CALR3: variants seen among roughly 807,000 people sequenced by gnomAD.
CALR3 encodes calreticulin 3, also known as calreticulin-3.
Under a neutral mutation model 48.7 loss-of-function variants are expected in CALR3, and 39 were observed. That is an observed-to-expected ratio of 0.80 (90% CI 0.62 to 1.05). CALR3 has a LOEUF of 1.05. CALR3 is among the 50% of genes least tolerant of loss of function. The pLI, the probability that CALR3 is intolerant of heterozygous loss-of-function variation, is 0.00. For synonymous variants in CALR3, 185 were observed against 172.7 expected (o/e 1.07, Z -0.56); for missense variants, 449 against 474.7 (o/e 0.95, Z 0.50).
intron 2 of CALR3, among the ~76,000 whole-genome samples, chr19:16,494,673 T>C (rs1359755015): frequency 6.6e-6 from 1 of 152,214 alleles, no homozygotes; most frequent in African/African-American, 2.4e-5. Context: ...TTTTTCTTTT[T>C]AATACGAAAA....
In CALR3 at chr19:16,483,788, T is replaced by G. The variant is rs1009771719; in HGVS notation, c.678+142A>C. The G allele has an allele frequency of 2.8e-4, 207 of 728,734 alleles. 2 individuals are homozygous for G. The highest frequency in any genetic ancestry group is 1.6e-5 in the South Asian group (1 of 64,176). The allele number at this position is 728,734 out of a possible 1,614,324, so 45.1% of individuals were successfully genotyped here. On this transcript the variant is annotated intron_variant, in intron 5 of 8. Transcript: ENST00000269881. ...TTCAGATGTGTAGAGATGTGGCTGGTCTGCAGTGTGTGCTCTGGGGAGGGC... is the reference window on the plus strand; with the variant it reads ...TTCAGATGTGTAGAGATGTGGCTGGGCTGCAGTGTGTGCTCTGGGGAGGGC...
chr19:16,495,558 C>CAAAAA (rs57877938), intron 2 of CALR3, among the ~76,000 whole-genome samples, 193 bp downstream of exon 2: 2 of 95,364 alleles, frequency 2.1e-5, no homozygotes, highest in African/African-American at 3.9e-5. Context: ...GGCTCCGTCT[C>CAAAAA]AAAAAAAAAA....
chr19:16,492,808 G>C lies in CALR3; in HGVS notation c.194-2238C>G, dbSNP rs1568487944. ...ACCCAGGAGGCAGAGCTTGCAGTGAGCCGAGATCGCGCCACTGCACTCCAT... is the reference window on the plus strand; with the variant it reads ...ACCCAGGAGGCAGAGCTTGCAGTGACCCGAGATCGCGCCACTGCACTCCAT... On this transcript the variant is annotated intron_variant, in intron 2 of 8. Coordinates refer to ENST00000269881, the MANE Select transcript of CALR3 (RefSeq NM_145046.5). 2.0e-5 allele frequency among the ~76,000 whole-genome samples: 3 copies of C among 149,646 alleles called. No individual in the cohort carries two copies. The South Asian group carries it at 6.3e-4, about 32-fold the overall frequency.
intron 2 of CALR3, among the ~76,000 whole-genome samples, chr19:16,491,123 G>A (rs6512115): frequency 0.83 from 123,111 of 148,714 alleles, 50,597 homozygotes; most frequent in South Asian, 0.89. Context: ...TTCTTAATTA[G>A]TTAATTAATT....
intron 2 of CALR3, among the ~76,000 whole-genome samples, chr19:16,491,247 C>T (rs111760436): frequency 3.3e-5 from 5 of 151,770 alleles, no homozygotes; most frequent in South Asian, 2.1e-4. Flanking sequence ...CTCAGCCTCC[C>T]GAGTAGCTGG....
At chr19:16,482,223 T>TA (rs1020975540) in intron 7 of CALR3, among the ~76,000 whole-genome samples, 70 of 145,812 alleles carry the variant, frequency 4.8e-4, no homozygotes, top group South Asian at 1.5e-3. Flanking sequence ...TCCCATTTCT[T>TA]AAAAAAAAAA....
intron 3 of CALR3, 89 bp downstream of exon 3, chr19:16,490,278 C>T: frequency 8.5e-7 from 1 of 1,178,908 alleles, no homozygotes; most frequent in Non-Finnish European, 1.3e-6. Context: ...ACCTTCACTA[C>T]ATTAGCAAAG....
At chr19:16,485,331 C>A in intron 3 of CALR3, 74 bp from the exon 4 acceptor site, 1 of 762,966 alleles carries the variant, frequency 1.3e-6, no homozygotes, top group Non-Finnish European at 2.1e-6. Flanking sequence ...CACAACCATT[C>A]TTTTTTTTTT....
intron 2 of CALR3, among the ~76,000 whole-genome samples, chr19:16,491,914 C>T (rs1050665397): frequency 1.3e-5 from 2 of 151,776 alleles, no homozygotes; most frequent in Admixed American, 1.3e-4. Context: ...CTGCAACCTC[C>T]GCCTCCCAGG....
At chr19:16,494,116 A>G (rs909727229) in intron 2 of CALR3, among the ~76,000 whole-genome samples, 6 of 152,164 alleles carry the variant, frequency 3.9e-5, no homozygotes, top group Non-Finnish European at 4.4e-5. Context: ...GCTGGAGTGC[A>G]GTGGTACAAT....
At chr19:16,482,396 C>T (rs2093382288) in intron 7 of CALR3, 54 bp downstream of exon 7, 3 of 1,611,332 alleles carry the variant, frequency 1.9e-6, no homozygotes, top group Non-Finnish European at 2.5e-6. Flanking sequence ...CAAAACAAAA[C>T]AAAACAAAAC....
At chr19:16,484,233 T>G (rs1254550653) in intron 4 of CALR3, 118 bp from the exon 5 acceptor site, 1 of 968,948 alleles carries the variant, frequency 1.0e-6, no homozygotes, top group East Asian at 2.6e-5. Context: ...GTTGGAGCGC[T>G]GTGGCACAAT....
Position 16,485,221 on chromosome 19 carries a change from T to A in CALR3, c.434A>T (p.His145Leu). The stretch of plus-strand genomic sequence containing the variant: ...CTTATTCTTGAAATGTAAAATAACA[T>A]GAACTTTCTTGATATCAAATCCACA... ...DICGFDIKKV[H>L]VILHFKNKYH... is the part of the protein sequence containing the mutation. Residue 145 changes from histidine to leucine, a missense_variant, in exon 4 of 9, where the codon CAT becomes CTT. By Grantham distance (99) the His-to-Leu change is moderately conservative (BLOSUM62 -3). Transcript: ENST00000269881. The A allele has an allele frequency of 6.2e-7, 1 of 1,610,256 alleles. No individual in the cohort carries two copies. The highest frequency in any genetic ancestry group is 8.5e-7 in the Non-Finnish European group (1 of 1,176,664).
At chr19:16,490,655 T>G in intron 2 of CALR3, 85 bp from the exon 3 acceptor site, 1 of 1,188,152 alleles carries the variant, frequency 8.4e-7, no homozygotes, top group South Asian at 1.2e-5. Context: ...CTTCCCTTAC[T>G]CCCAAACATA....
chr19:16,483,925 C>A lies in CALR3; in HGVS notation c.678+5G>T. ...TTTTTAGAGTTGCCCAGGAAAAATT[C>A]ACACCTGGGCTTTGTTGTCTTTAGT... is the stretch of plus-strand genomic sequence containing the variant. On this transcript the variant is annotated splice_donor_5th_base_variant and intron_variant, in intron 5 of 8. Coordinates refer to ENST00000269881, the MANE Select transcript of CALR3 (RefSeq NM_145046.5). The A allele has an allele frequency of 6.2e-7, 1 of 1,613,622 alleles. No homozygotes were observed. Among genetic ancestry groups the A allele is most frequent in the South Asian group, 1.1e-5 (1 of 91,030 alleles).
At chr19:16,479,296 A>G (rs1464795770) in intron 8 of CALR3, 22 bp from the exon 9 acceptor site, 2 of 1,613,714 alleles carry the variant, frequency 1.2e-6, no homozygotes, top group Admixed American at 1.7e-5. Context: ...AAGAAAAAAC[A>G]TAAGCCCCAC....
chr19:16,492,345 A>G lies in CALR3; in HGVS notation c.194-1775T>C, dbSNP rs561862839. Among the ~76,000 whole-genome samples, 60 of 152,198 alleles carry G rather than the reference A, an allele frequency of 3.9e-4. 1 individual carries two copies. Among genetic ancestry groups the G allele is most frequent in the African/African-American group, 1.4e-3 (59 of 41,548 alleles). On this transcript the variant is annotated intron_variant, in intron 2 of 8. Transcript: ENST00000269881. ...GTGGCGCGTGCCTGTGGTCCCAGCT[A>G]CTCGGGAAGCTCAGGCAGCTGAACT...
At chr19:16,480,900 A>G (rs979848097) in intron 7 of CALR3, among the ~76,000 whole-genome samples, 194 bp from the exon 8 acceptor site, 2 of 152,050 alleles carry the variant, frequency 1.3e-5, no homozygotes, top group Non-Finnish European at 2.9e-5. Flanking sequence ...TCACACCTAT[A>G]ATCCCAGCAC....
intron 2 of CALR3, among the ~76,000 whole-genome samples, chr19:16,492,294 T>G (rs1281628880): frequency 6.6e-6 from 1 of 151,980 alleles, no homozygotes; most frequent in Non-Finnish European, 1.5e-5. Context: ...CCATTTCTAC[T>G]AAAAATACAA....
Sources: gnomAD v4.1 joint callset for allele counts (sites outside exome capture counted in the v4.1 genomes callset) on GRCh38, gnomAD v4.1.1 for gene constraint, MANE v1.5 for transcripts, NCBI Gene and HGNC (gene_info 2026-07-23, HGNC 2026-07-21) for gene names.